Variants in ATP7B observed in about 807,000 individuals in gnomAD.
The protein encoded by ATP7B is copper-transporting ATPase 2.
A neutral mutation model predicts 118.9 loss-of-function variants in ATP7B; 113 were observed. The observed-to-expected ratio is 0.95, with a 90% CI of 0.82 to 1.11. The LOEUF is 1.11. ATP7B is among the 50% of genes most tolerant of loss of function. The pLI is 0.00. For synonymous variants in ATP7B, 777 were observed against 727.4 expected, an observed-to-expected ratio of 1.07 and a Z score of -1.10; for missense variants, 1,867 against 1,871.4, an observed-to-expected ratio of 1.00 and a Z score of 0.04.
chr13:51,943,638 C>T (rs1364942070), intron 14 of ATP7B, among the ~76,000 whole-genome samples: 2 of 152,188 alleles, frequency 1.3e-5, no homozygotes, highest in Non-Finnish European at 2.9e-5. Context: ...TGCTTCTCCA[C>T]GAAGTGCCAG....
chr13:51,934,722 C>A lies in ATP7B; in HGVS notation c.*34G>T. ...CTGCTCAGCTTGTGGTGAGTGGAGG[C>A]AAGTCCCTGCCCCGGCCCGCCTGCC... On this transcript the variant is annotated 3_prime_UTR_variant, in exon 21 of 21. Coordinates refer to ENST00000242839, the MANE Select transcript of ATP7B (RefSeq NM_000053.4). 6.2e-7 allele frequency: 1 copy of A among 1,610,326 alleles called. No homozygotes were observed. Among genetic ancestry groups the A allele is most frequent in the Non-Finnish European group, 8.5e-7 (1 of 1,180,008 alleles).
At chr13:51,946,628 A>G (rs1957680994) in intron 12 of ATP7B, 150 bp from the exon 13 acceptor site, 1 of 846,670 alleles carries the variant, frequency 1.2e-6, no homozygotes, top group Non-Finnish European at 1.9e-6. Context: ...CTGCTCTGCC[A>G]TCATAGAGAA....
At position 51,968,155 on chromosome 13, in the gene ATP7B, G is replaced by A. The variant is rs1302626314; in HGVS notation, c.1707+289C>T. Among the ~76,000 whole-genome samples, 7 of 152,256 alleles carry A rather than the reference G, an allele frequency of 4.6e-5. No homozygotes were observed. The South Asian group carries it at 8.3e-4, about 18-fold the overall frequency. On this transcript the variant is annotated intron_variant, in intron 4 of 20. Coordinates refer to ENST00000242839, the MANE Select transcript of ATP7B (RefSeq NM_000053.4). Reference sequence around the variant, plus strand: ...ACCACCCAGCTCAGGGCAGTCCACCGTCTTTAATTCCTGTTTCTTCTATAC... The same window carrying A: ...ACCACCCAGCTCAGGGCAGTCCACCATCTTTAATTCCTGTTTCTTCTATAC...
rs566132264 is a variant in ATP7B, at chr13:51,942,662, C to T, written c.3244-108G>A. ...CAGGGTGAAGGTGGCAAGAGAGCAG[C>T]GGAAAGCGGGAACTGAGAGAAAGGA... On this transcript the variant is annotated intron_variant, in intron 14 of 20. Transcript: ENST00000242839. The T allele has an allele frequency of 5.4e-4, 752 of 1,387,464 alleles. 1 individual carries two copies. The highest frequency in any genetic ancestry group is 6.8e-4 in the Non-Finnish European group (680 of 997,872). The allele number at this position is 1,387,464 out of a possible 1,614,324, so 85.9% of individuals were successfully genotyped here.
chr13:51,957,696 C>G (rs1394821798), intron 8 of ATP7B, 89 bp from the exon 9 acceptor site: 15 of 1,323,056 alleles, frequency 1.1e-5, no homozygotes, highest in Non-Finnish European at 1.6e-5. Context: ...GTGTTAGAGA[C>G]AGCTGGTGCG....
chr13:51,938,511 A>C (rs1261669421), intron 17 of ATP7B, among the ~76,000 whole-genome samples: 2 of 152,214 alleles, frequency 1.3e-5, no homozygotes, highest in African/African-American at 4.8e-5. Context: ...GAACACAATT[A>C]AGCTTTCAGA....
chr13:51,964,812 C>T, intron 5 of ATP7B, 60 bp downstream of exon 5: 1 of 1,566,192 alleles, frequency 6.4e-7, no homozygotes. Context: ...CATTTTTCTT[C>T]ACTGATTATA....
chr13:51,960,422 G>T, intron 6 of ATP7B, 100 bp from the exon 7 acceptor site: 1 of 1,435,834 alleles, frequency 7.0e-7, no homozygotes, highest in Non-Finnish European at 9.6e-7. Context: ...ACCTGCCTTT[G>T]TCACATGTCT....
intron 4 of ATP7B, among the ~76,000 whole-genome samples, chr13:51,967,896 A>G (rs1476313936): frequency 6.6e-6 from 1 of 152,224 alleles, no homozygotes; most frequent in African/African-American, 2.4e-5. Flanking sequence ...CAGATGGGAA[A>G]TAATACCTCC....
chr13:51,948,278 T>C (rs1189716206), intron 12 of ATP7B, among the ~76,000 whole-genome samples: 2 of 152,182 alleles, frequency 1.3e-5, no homozygotes, highest in Non-Finnish European at 2.9e-5. Flanking sequence ...TTTGCTACGT[T>C]GCCCAGGTTG....
chr13:51,944,292 C>G lies in ATP7B; in HGVS notation c.3061-1G>C. 1 of 1,613,808 alleles carries G rather than the reference C, an allele frequency of 6.2e-7. No individual in the cohort carries two copies. On this transcript the variant is annotated splice_acceptor_variant, in intron 13 of 20. Transcript: ENST00000242839. LOFTEE classifies it high-confidence loss of function. Reference sequence around the variant, plus strand: ...TCTTGTCAAACATCACAGTCTTTATCTGCCAAAAACAACCACAACTCACTG... The same window carrying G: ...TCTTGTCAAACATCACAGTCTTTATGTGCCAAAAACAACCACAACTCACTG...
chr13:51,994,153 C>T (rs1031368122), intron 1 of ATP7B, among the ~76,000 whole-genome samples: 3 of 152,048 alleles, frequency 2.0e-5, no homozygotes, highest in Admixed American at 1.3e-4. Flanking sequence ...TTGTATAAAC[C>T]GGCAACATAT....
intron 1 of ATP7B, chr13:51,995,289 T>G: frequency 1.0e-6 from 1 of 985,302 alleles, no homozygotes; most frequent in Non-Finnish European, 1.2e-6. Context: ...TCCAGGCTTT[T>G]TAGCCCATCT....
At chr13:51,992,449 A>G (rs958092478) in intron 1 of ATP7B, among the ~76,000 whole-genome samples, 2 of 152,168 alleles carry the variant, frequency 1.3e-5, no homozygotes, top group Non-Finnish European at 1.5e-5. Context: ...GATACCTACT[A>G]AAGTTGTTAA....
rs199924281 is a variant in ATP7B at position 51,941,221 on chromosome 13, G to T, written c.3416C>A (p.Ala1139Glu). Reference sequence around the variant, plus strand: ...CAGCACAGAGAAGGTCTGGGGGACTGCATCTATTCAAAAGAGGCTGTGGTT... The same window carrying T: ...CAGCACAGAGAAGGTCTGGGGGACTTCATCTATTCAAAAGAGGCTGTGGTT... ...EAGSLPAEKD[A>E]VPQTFSVLIG... is the part of the protein sequence containing the mutation. Residue 1139 changes from alanine (A) to glutamate (E), a missense_variant, in exon 16 of 21, where the codon GCA becomes GAA. Transcript: ENST00000242839. 6.2e-7 allele frequency: 1 copy of T among 1,614,126 alleles called. No individual in the cohort carries two copies. Among genetic ancestry groups the T allele is most frequent in the Non-Finnish European group, 8.5e-7 (1 of 1,179,998 alleles).
At chr13:51,957,738 T>A in intron 8 of ATP7B, 131 bp from the exon 9 acceptor site, 1 of 835,690 alleles carries the variant, frequency 1.2e-6, no homozygotes, top group Non-Finnish European at 2.0e-6. Context: ...GATAAAAGGC[T>A]CTGCAGGTGG....
At chr13:51,987,076 A>G (rs1287856267) in intron 1 of ATP7B, among the ~76,000 whole-genome samples, 1 of 152,222 alleles carries the variant, frequency 6.6e-6, no homozygotes, top group Admixed American at 6.5e-5. Flanking sequence ...CAGGGCAATC[A>G]GGCAAGAGAA....
intron 1 of ATP7B, among the ~76,000 whole-genome samples, chr13:52,010,120 T>C (rs1403759532): frequency 1.3e-5 from 2 of 152,214 alleles, no homozygotes; most frequent in East Asian, 1.9e-4. Context: ...CTGTAGGAAG[T>C]TGAAATCTCC....
intron 19 of ATP7B, 102 bp downstream of exon 19, chr13:51,937,174 C>A: frequency 8.6e-7 from 1 of 1,160,350 alleles, no homozygotes; most frequent in Non-Finnish European, 1.3e-6. Context: ...TAAAACGCCT[C>A]TAGCCAGCCA....
Sources: gnomAD v4.1 joint callset for allele counts (sites outside exome capture counted in the v4.1 genomes callset) on GRCh38, gnomAD v4.1.1 for gene constraint, MANE v1.5 for transcripts, NCBI Gene and HGNC (gene_info 2026-07-23, HGNC 2026-07-21) for gene names.